Variants in RCOR1 observed in about 807,000 individuals in gnomAD.
RCOR1 encodes the protein REST corepressor 1, also known as REST corepressor.
A neutral mutation model predicts 64.0 loss-of-function variants in RCOR1; 12 were observed. That is an observed-to-expected ratio of 0.19 (90% CI 0.12 to 0.30). The LOEUF (loss-of-function observed/expected upper bound fraction) is 0.30, where lower values mean the gene tolerates loss of function less well. Among genes scored for constraint, RCOR1 ranks in the 10% least tolerant of loss-of-function variants. RCOR1 has a pLI of 1.00. For synonymous variants in RCOR1, 279 were observed against 227.2 expected, an observed-to-expected ratio of 1.23 and a Z score of -2.05; for missense variants, 502 against 621.2, an observed-to-expected ratio of 0.81 and a Z score of 2.04.
At chr14:102,698,472 A>G (rs1162686271) in intron 3 of RCOR1, among the ~76,000 whole-genome samples, 1 of 152,214 alleles carries the variant, frequency 6.6e-6, no homozygotes, top group Non-Finnish European at 1.5e-5. Context: ...CAGTTAAGGT[A>G]GATAATAGTG....
chr14:102,711,094 T>C, intron 7 of RCOR1, 81 bp downstream of exon 7: 1 of 887,592 alleles, frequency 1.1e-6, no homozygotes, highest in Non-Finnish European at 1.8e-6. Flanking sequence ...TTGCTTGTTC[T>C]ACTTAATATA....
At position 102,711,735 on chromosome 14, in the gene RCOR1, G is replaced by A. The variant is rs570382064; in HGVS notation, c.858+722G>A. Reference sequence around the variant, plus strand: ...ATTTTAAGCCTATAAAAACAGAAGGGTCTAAATTTATCTAAACTTTAAAAT... The same window carrying A: ...ATTTTAAGCCTATAAAAACAGAAGGATCTAAATTTATCTAAACTTTAAAAT... On this transcript the variant is annotated intron_variant, in intron 7 of 11. Coordinates refer to ENST00000262241, the MANE Select transcript of RCOR1 (RefSeq NM_015156.4). Among the ~76,000 whole-genome samples, 31 of 152,086 alleles carry A rather than the reference G, an allele frequency of 2.0e-4. No individual in the cohort carries two copies. In the South Asian group the frequency reaches 3.5e-3, roughly 17 times the overall value.
chr14:102,601,529 C>G (rs945886784), intron 2 of RCOR1, among the ~76,000 whole-genome samples: 5 of 152,064 alleles, frequency 3.3e-5, no homozygotes, highest in African/African-American at 4.8e-5. Context: ...GTGGCAAGAG[C>G]CTTTACACTG....
At position 102,714,624 on chromosome 14, in the gene RCOR1, A is replaced by G; in HGVS notation, c.1053+7A>G. On this transcript the variant is annotated splice_region_variant and intron_variant, in intron 8 of 11. Transcript: ENST00000262241. ...GGTTTCAGTCAAACGACAGGTACTC[A>G]TAAGCCTGGTCTTGGATGTAAAAGA... 2.5e-6 allele frequency: 4 copies of G among 1,588,184 alleles called. No homozygotes were observed. Among genetic ancestry groups the G allele is most frequent in the Non-Finnish European group, 3.4e-6 (4 of 1,163,928 alleles).
chr14:102,632,145 C>T (rs908237903), intron 2 of RCOR1, among the ~76,000 whole-genome samples: 1 of 150,412 alleles, frequency 6.6e-6, no homozygotes, highest in Non-Finnish European at 1.5e-5. Context: ...TGAATGATGA[C>T]AGAAAGAGTT....
Position 102,594,346 on chromosome 14 carries a change from A to C in RCOR1, c.361+1021A>C, listed in dbSNP as rs576015437. ...GGTTCTGTATGTGGGTTATACCACT[A>C]GTTTATTTGAAAAGATAAACGCATA... On this transcript the variant is annotated intron_variant, in intron 2 of 11. Transcript: ENST00000262241. Among the ~76,000 whole-genome samples the C allele has an allele frequency of 1.5e-4, 16 of 108,820 alleles. No individual in the cohort carries two copies. In the East Asian group the frequency reaches 4.2e-3, roughly 29 times the overall value. 71.4% of individuals were successfully genotyped at this position (108,820 alleles called of 152,430 possible). A position where few individuals can be genotyped will look rare whatever the true frequency, so the allele number is the denominator to read the frequency against.
intron 2 of RCOR1, among the ~76,000 whole-genome samples, chr14:102,677,200 G>A (rs1895193419): frequency 1.4e-5 from 2 of 138,494 alleles, no homozygotes; most frequent in African/African-American, 5.5e-5. Context: ...CGGCTGGCCG[G>A]GCAGGGGGCT....
chr14:102,710,838 T>C, intron 6 of RCOR1, 97 bp from the exon 7 acceptor site: 1 of 793,900 alleles, frequency 1.3e-6, no homozygotes, highest in Non-Finnish European at 2.1e-6. Context: ...TTATATTTGG[T>C]AAAATTAGTA....
chr14:102,700,924 A>G (rs1004824739), intron 3 of RCOR1, among the ~76,000 whole-genome samples: 6 of 152,212 alleles, frequency 3.9e-5, no homozygotes, highest in Non-Finnish European at 8.8e-5. Context: ...AGGCCTTACA[A>G]TCATGGTAGA....
At chr14:102,605,524 G>A (rs2146431) in intron 2 of RCOR1, among the ~76,000 whole-genome samples, 95,153 of 152,024 alleles carry the variant, frequency 0.63, 30,864 homozygotes, top group South Asian at 0.72. Context: ...TAGTGCAACA[G>A]CGTGTAGCAT....
chr14:102,714,408 G>A lies in RCOR1; in HGVS notation c.859-15G>A. On this transcript the variant is annotated splice_polypyrimidine_tract_variant and intron_variant, in intron 7 of 11. Transcript: ENST00000262241. ...TTTTTTTAAGTTTCATTCATCACCTGTGTATATCATGCAGGTTCCCCCTAC... is the reference window on the plus strand; with the variant it reads ...TTTTTTTAAGTTTCATTCATCACCTATGTATATCATGCAGGTTCCCCCTAC... The A allele has an allele frequency of 1.3e-6, 2 of 1,567,272 alleles. No homozygotes were observed. Among genetic ancestry groups the A allele is most frequent in the Admixed American group, 3.7e-5 (2 of 54,404 alleles).
At chr14:102,646,281 C>G (rs570556094) in intron 2 of RCOR1, among the ~76,000 whole-genome samples, 1 of 152,152 alleles carries the variant, frequency 6.6e-6, no homozygotes, top group South Asian at 2.1e-4. Flanking sequence ...CTTTTTAGTA[C>G]TTCCTTCTTA....
chr14:102,712,663 C>CTTTT (rs80063348), intron 7 of RCOR1, among the ~76,000 whole-genome samples: 1 of 109,358 alleles, frequency 9.1e-6, no homozygotes, highest in Admixed American at 9.3e-5. Flanking sequence ...ATTGTTAAGG[C>CTTTT]TTTTTTTTTT....
intron 2 of RCOR1, among the ~76,000 whole-genome samples, chr14:102,644,863 A>C (rs1203537426): frequency 6.6e-6 from 1 of 152,172 alleles, no homozygotes; most frequent in Non-Finnish European, 1.5e-5. Flanking sequence ...CCTGGGAATG[A>C]TTGTTTCAGG....
intron 2 of RCOR1, among the ~76,000 whole-genome samples, chr14:102,673,033 C>T (rs931000801): frequency 4.0e-5 from 6 of 150,170 alleles, no homozygotes; most frequent in Non-Finnish European, 7.4e-5. Context: ...TAGTATTTGT[C>T]TGCTTAACAC....
chr14:102,711,737 C>T (rs1895964159), intron 7 of RCOR1, among the ~76,000 whole-genome samples: 1 of 151,996 alleles, frequency 6.6e-6, no homozygotes, highest in Admixed American at 6.6e-5. Context: ...ACAGAAGGGT[C>T]TAAATTTATC....
chr14:102,692,768 C>T (rs865850369), intron 3 of RCOR1, among the ~76,000 whole-genome samples: 127 of 111,726 alleles, frequency 1.1e-3, no homozygotes, highest in South Asian at 1.4e-3. Flanking sequence ...TTTTCTTTTT[C>T]TTTTTTTTTT....
At chr14:102,594,183 T>TA (rs2139871988) in intron 2 of RCOR1, among the ~76,000 whole-genome samples, 1 of 152,294 alleles carries the variant, frequency 6.6e-6, no homozygotes, top group Non-Finnish European at 1.5e-5. Flanking sequence ...CCAGTGTCTG[T>TA]ATGAGACTGT....
chr14:102,653,507 A>G (rs1449891387), intron 2 of RCOR1, among the ~76,000 whole-genome samples: 1 of 152,130 alleles, frequency 6.6e-6, no homozygotes, highest in East Asian at 1.9e-4. Context: ...ATTCTTTAGT[A>G]GTTCCTAAAA....
Sources: gnomAD v4.1 joint callset for allele counts (sites outside exome capture counted in the v4.1 genomes callset) on GRCh38, gnomAD v4.1.1 for gene constraint, MANE v1.5 for transcripts, NCBI Gene and HGNC (gene_info 2026-07-23, HGNC 2026-07-21) for gene names.